POU6F2: variants seen among roughly 807,000 people sequenced by gnomAD.
POU6F2 encodes POU domain, class 6, transcription factor 2.
Under a neutral mutation model 71.3 loss-of-function variants are expected in POU6F2, and 31 were observed. The observed-to-expected ratio is 0.43, with a 90% CI of 0.33 to 0.59. POU6F2 has a LOEUF of 0.59. Among genes scored for constraint, POU6F2 ranks in the 20% least tolerant of loss-of-function variants. The probability of loss-of-function intolerance (pLI) is 0.04; values close to 1 mark genes in which losing one functional copy is unlikely to be tolerated. For synonymous variants in POU6F2, 347 were observed against 355.7 expected (o/e 0.98, Z 0.27); for missense variants, 783 against 856.8 (o/e 0.91, Z 1.07).
chr7:39,159,647 G>T (rs1326773715), intron 2 of POU6F2, among the ~76,000 whole-genome samples: 2 of 152,090 alleles, frequency 1.3e-5, no homozygotes, highest in Non-Finnish European at 2.9e-5. Context: ...ATATTAAAAT[G>T]GGCATTATAC....
chr7:39,061,497 C>A (rs532929750), intron 1 of POU6F2, among the ~76,000 whole-genome samples: 2 of 152,258 alleles, frequency 1.3e-5, no homozygotes, highest in East Asian at 3.9e-4. Context: ...TTAAATGAAT[C>A]TTTTACCAAT....
intron 6 of POU6F2, among the ~76,000 whole-genome samples, chr7:39,416,814 TAA>T (rs531942673): frequency 7.0e-6 from 1 of 142,424 alleles, no homozygotes; most frequent in African/African-American, 2.6e-5. Flanking sequence ...GTTAAAAATG[TAA>T]AAAAAAAAAA....
chr7:39,034,090 A>G (rs1218657036), intron 1 of POU6F2, among the ~76,000 whole-genome samples: 1 of 152,192 alleles, frequency 6.6e-6, no homozygotes, highest in Admixed American at 6.5e-5. Context: ...AGCAGCCGAC[A>G]TGTTATATTG....
intron 4 of POU6F2, among the ~76,000 whole-genome samples, chr7:39,265,901 G>A (rs145996675): frequency 6.6e-6 from 1 of 152,292 alleles, no homozygotes; most frequent in East Asian, 1.9e-4. Context: ...AATTACAAGT[G>A]TCTCCAAGGA....
intron 2 of POU6F2, among the ~76,000 whole-genome samples, chr7:39,112,493 A>G (rs1441460692): frequency 6.6e-6 from 1 of 152,188 alleles, no homozygotes; most frequent in East Asian, 1.9e-4. Context: ...CAATATGCTT[A>G]TAACCAAAAA....
chr7:39,025,395 A>G (rs963733972), intron 1 of POU6F2, among the ~76,000 whole-genome samples: 53 of 152,210 alleles, frequency 3.5e-4, no homozygotes, highest in African/African-American at 1.2e-3. Context: ...TGGTACCAAA[A>G]CAGAGATATA....
At chr7:39,061,696 A>C (rs1790660110) in intron 1 of POU6F2, among the ~76,000 whole-genome samples, 2 of 152,224 alleles carry the variant, frequency 1.3e-5, no homozygotes, top group Non-Finnish European at 2.9e-5. Flanking sequence ...GGTGAATATA[A>C]GTTTTCCAAA....
At chr7:39,407,266 A>G (rs1787454785) in intron 6 of POU6F2, among the ~76,000 whole-genome samples, 1 of 151,880 alleles carries the variant, frequency 6.6e-6, no homozygotes, top group Admixed American at 6.6e-5. Flanking sequence ...AATGAAGCCA[A>G]TTGCAAGTCA....
chr7:39,286,689 A>G (rs966490814), intron 4 of POU6F2, among the ~76,000 whole-genome samples: 1 of 152,218 alleles, frequency 6.6e-6, no homozygotes, highest in Non-Finnish European at 1.5e-5. Flanking sequence ...AGTTGACATC[A>G]GCATTTTCCA....
At chr7:39,441,862 G>A (rs1356054860) in intron 7 of POU6F2, among the ~76,000 whole-genome samples, 1 of 152,128 alleles carries the variant, frequency 6.6e-6, no homozygotes, top group African/African-American at 2.4e-5. Flanking sequence ...GAATGATGAA[G>A]ACTAAGAGTG....
chr7:39,403,069 T>C (rs1422819492), intron 5 of POU6F2, among the ~76,000 whole-genome samples: 2 of 152,228 alleles, frequency 1.3e-5, no homozygotes, highest in African/African-American at 4.8e-5. Flanking sequence ...AAATGAAGTG[T>C]GGTTTACTTA....
intron 2 of POU6F2, among the ~76,000 whole-genome samples, chr7:39,104,165 G>A (rs1562707470): frequency 2.0e-5 from 3 of 152,242 alleles, no homozygotes. Context: ...TGTGTTATTT[G>A]AAGTACAGCT....
At chr7:39,248,366 A>T (rs1284445810) in intron 4 of POU6F2, among the ~76,000 whole-genome samples, 3 of 152,158 alleles carry the variant, frequency 2.0e-5, no homozygotes, top group Admixed American at 6.5e-5. Context: ...AGATAATAAA[A>T]TCAAAATGAT....
At chr7:39,075,348 G>T (rs1048887291) in intron 1 of POU6F2, among the ~76,000 whole-genome samples, 2 of 152,134 alleles carry the variant, frequency 1.3e-5, no homozygotes, top group Non-Finnish European at 2.9e-5. Flanking sequence ...AACTACTCTG[G>T]AAACAGTCAA....
intron 2 of POU6F2, among the ~76,000 whole-genome samples, chr7:39,142,628 A>T (rs1397233549): frequency 6.6e-6 from 1 of 151,922 alleles, no homozygotes; most frequent in South Asian, 2.1e-4. Context: ...CCTTATTGAT[A>T]TTTTTTTGTT....
intron 5 of POU6F2, among the ~76,000 whole-genome samples, chr7:39,394,524 A>C (rs73695747): frequency 1.1e-4 from 17 of 152,138 alleles, no homozygotes; most frequent in African/African-American, 3.6e-4. Context: ...CCACTCATAC[A>C]TGGGCTTCCT....
intron 1 of POU6F2, chr7:38,984,550 A>T (rs189749325): frequency 2.0e-5 from 3 of 152,318 alleles, no homozygotes; most frequent in African/African-American, 7.2e-5. Context: ...ACACACAAAA[A>T]ATACAGTGAA....
chr7:39,326,400 G>A (rs1006942227), intron 4 of POU6F2, among the ~76,000 whole-genome samples: 1 of 152,226 alleles, frequency 6.6e-6, no homozygotes, highest in East Asian at 1.9e-4. Flanking sequence ...ACTAGTTCTT[G>A]TGTGAAGGCA....
intron 4 of POU6F2, among the ~76,000 whole-genome samples, chr7:39,324,894 A>G (rs545376589): frequency 6.6e-6 from 1 of 152,300 alleles, no homozygotes; most frequent in African/African-American, 2.4e-5. Context: ...CGTTCTTTTT[A>G]GCTTAGTACA....
Sources: allele counts gnomAD v4.1 joint callset (sites outside exome capture counted in the v4.1 genomes callset), GRCh38; gene constraint gnomAD v4.1.1; transcripts MANE v1.5; gene names NCBI Gene and HGNC (gene_info 2026-07-23, HGNC 2026-07-21).